SEMA6A: variants seen among roughly 807,000 people sequenced by gnomAD.
The protein encoded by SEMA6A is semaphorin-6A.
SEMA6A carries 25 observed loss-of-function variants against 96.8 expected under a neutral mutation model. The ratio of observed to expected loss-of-function variants is 0.26; its 90% CI spans 0.19 to 0.36. SEMA6A has a LOEUF of 0.36. SEMA6A is among the 10% of genes least tolerant of loss of function. The pLI, the probability that SEMA6A is intolerant of heterozygous loss-of-function variation, is 1.00. For missense variants in SEMA6A, 1,363 were observed against 1,323.1 expected (o/e 1.03, Z -0.47); for synonymous variants, 612 against 518.0 (o/e 1.18, Z -2.46).
chr5:116,526,748 A>T (rs904730991), intron 1 of SEMA6A, among the ~76,000 whole-genome samples: 9 of 152,188 alleles, frequency 5.9e-5, no homozygotes, highest in African/African-American at 2.2e-4. Flanking sequence ...GTGCTAGCTC[A>T]AAACTCCTGT....
At chr5:116,524,793 C>CACACACACACAG (rs1554090347) in intron 1 of SEMA6A, among the ~76,000 whole-genome samples, 2 of 152,044 alleles carry the variant, frequency 1.3e-5, no homozygotes, top group Admixed American at 6.6e-5. Flanking sequence ...CACACAGACA[C>CACACACACACAG]ACACACACAC....
At chr5:116,462,586 T>G (rs1164036073) in intron 18 of SEMA6A, among the ~76,000 whole-genome samples, 2 of 152,182 alleles carry the variant, frequency 1.3e-5, no homozygotes, top group African/African-American at 4.8e-5. Flanking sequence ...TCATGAAACT[T>G]TCCATCCCCA....
intron 1 of SEMA6A, among the ~76,000 whole-genome samples, chr5:116,511,933 A>G (rs140914713): frequency 6.6e-6 from 1 of 152,240 alleles, no homozygotes; most frequent in Non-Finnish European, 1.5e-5. Flanking sequence ...AGATGTGGAC[A>G]TATCTCAAGT....
At chr5:116,569,732 A>C (rs1761135034) in intron 1 of SEMA6A, among the ~76,000 whole-genome samples, 1 of 152,170 alleles carries the variant, frequency 6.6e-6, no homozygotes, top group African/African-American at 2.4e-5. Context: ...TGTGACAGAG[A>C]AGCTTCAAGG....
intron 17 of SEMA6A, chr5:116,471,777 A>T (rs974188813): frequency 2.6e-5 from 4 of 152,228 alleles, no homozygotes; most frequent in Non-Finnish European, 4.4e-5. Flanking sequence ...CAAAAAGGCT[A>T]TTTATGTATG....
At chr5:116,451,855 GA>G in intron 18 of SEMA6A, among the ~76,000 whole-genome samples, 1 of 151,888 alleles carries the variant, frequency 6.6e-6, no homozygotes, top group Admixed American at 6.6e-5. Flanking sequence ...AAAACAATAA[GA>G]AGAGAAACTA....
At chr5:116,454,191 T>G (rs77662066) in intron 18 of SEMA6A, among the ~76,000 whole-genome samples, 1 of 152,158 alleles carries the variant, frequency 6.6e-6, no homozygotes, top group East Asian at 1.9e-4. Context: ...TAGAGAAATA[T>G]GCAAAGGCAA....
At chr5:116,534,420 CCTT>C (rs1302163099) in intron 1 of SEMA6A, among the ~76,000 whole-genome samples, 1 of 152,228 alleles carries the variant, frequency 6.6e-6, no homozygotes, top group Non-Finnish European at 1.5e-5. Flanking sequence ...GCTCATGCCT[CCTT>C]CTCCACCACA....
At chr5:116,473,872 C>G (rs1177797891) in intron 16 of SEMA6A, among the ~76,000 whole-genome samples, 1 of 152,150 alleles carries the variant, frequency 6.6e-6, no homozygotes, top group African/African-American at 2.4e-5. Flanking sequence ...ACCTCCTGCC[C>G]CGAGCAAGCA....
rs559651840 is a variant in SEMA6A at position 116,460,848 on chromosome 5, C to T, written c.1894+6735G>A. On this transcript the variant is annotated intron_variant, in intron 18 of 18. Transcript: ENST00000343348. ...TCACCCAGGCTGGAATGCAGTGGCA[C>T]GATCTCGGCTGACTGCAACCTCCAC... is the stretch of plus-strand genomic sequence containing the variant. Among the ~76,000 whole-genome samples the T allele has an allele frequency of 5.4e-5, 8 of 149,336 alleles. No individual in the cohort carries two copies. In the East Asian group the frequency reaches 1.4e-3, roughly 26 times the overall value.
At chr5:116,448,644 G>C (rs2112578081) in intron 18 of SEMA6A, among the ~76,000 whole-genome samples, 1 of 149,450 alleles carries the variant, frequency 6.7e-6, no homozygotes, top group South Asian at 2.1e-4. Context: ...AAAAGTGTTT[G>C]CCTTTTAAGC....
chr5:116,499,580 C>G (rs192436913), intron 3 of SEMA6A, among the ~76,000 whole-genome samples: 1 of 151,968 alleles, frequency 6.6e-6, no homozygotes, highest in African/African-American at 2.4e-5. Context: ...GAGAAGAGGT[C>G]CTAAATATGG....
intron 6 of SEMA6A, among the ~76,000 whole-genome samples, chr5:116,494,793 A>G (rs1757503224): frequency 6.6e-6 from 1 of 152,196 alleles, no homozygotes; most frequent in Admixed American, 6.5e-5. Flanking sequence ...CCAAGACCTC[A>G]GATCACTGCC....
At chr5:116,460,313 T>C (rs1052870915) in intron 18 of SEMA6A, among the ~76,000 whole-genome samples, 1 of 152,192 alleles carries the variant, frequency 6.6e-6, no homozygotes, top group African/African-American at 2.4e-5. Flanking sequence ...ATATATAATA[T>C]TTCATAGACA....
At position 116,447,654 on chromosome 5, in the gene SEMA6A, C is replaced by T; in HGVS notation, c.2052G>A (p.Val684=). 6.2e-7 allele frequency: 1 copy of T among 1,614,022 alleles called. No homozygotes were observed. The highest frequency in any genetic ancestry group is 8.5e-7 in the Non-Finnish European group (1 of 1,179,894). ...GGGTGAGCTCCTTCTCCTTGCGCTG[C>T]ACCACAGCCACGTCTTTGCGCCGAT... ...CDHRRKDVAV[V]QRKEKELTHS... Residue 684 remains valine (V), a synonymous_variant, in exon 19 of 19, where the codon GTG becomes GTA. Transcript: ENST00000343348.
chr5:116,518,106 AC>A (rs1423099589), intron 1 of SEMA6A, among the ~76,000 whole-genome samples: 1 of 152,202 alleles, frequency 6.6e-6, no homozygotes, highest in African/African-American at 2.4e-5. Flanking sequence ...GGAACTAGTT[AC>A]TAAAATTAAG....
chr5:116,495,054 A>G (rs1757520716), intron 6 of SEMA6A, among the ~76,000 whole-genome samples: 1 of 152,176 alleles, frequency 6.6e-6, no homozygotes, highest in South Asian at 2.1e-4. Flanking sequence ...ATCACTCACC[A>G]TATAAGTGTG....
rs1272781336 is a variant in SEMA6A, at chr5:116,445,554, C to T, written c.*1059G>A. On this transcript the variant is annotated 3_prime_UTR_variant, in exon 19 of 19. Transcript: ENST00000343348. ...GAGATATGATGTGCCATTCTAAAAG[C>T]TTTCTCTCCTGATTGCTTTAGAAAT... 1.3e-5 allele frequency: 2 copies of T among 152,570 alleles called. No homozygotes were observed. The highest frequency in any genetic ancestry group is 2.9e-5 in the Non-Finnish European group (2 of 68,040). 9.5% of individuals were successfully genotyped at this position (152,570 alleles called of 1,614,324 possible).
At chr5:116,518,876 G>A (rs973568529) in intron 1 of SEMA6A, among the ~76,000 whole-genome samples, 1 of 152,114 alleles carries the variant, frequency 6.6e-6, no homozygotes, top group African/African-American at 2.4e-5. Context: ...ACACATGAAC[G>A]TCTTTCAAAG....
Sources: gnomAD v4.1 joint callset for allele counts (sites outside exome capture counted in the v4.1 genomes callset) on GRCh38, gnomAD v4.1.1 for gene constraint, MANE v1.5 for transcripts, NCBI Gene and HGNC (gene_info 2026-07-23, HGNC 2026-07-21) for gene names.